Variants in SLC15A1 observed in about 807,000 individuals in gnomAD.
SLC15A1 encodes Caco-2 oligopeptide transporter.
A neutral mutation model predicts 92.9 loss-of-function variants in SLC15A1; 83 were observed. That is an observed-to-expected ratio of 0.89 (90% CI 0.75 to 1.07). The LOEUF is 1.07. Among genes scored for constraint, SLC15A1 ranks in the 50% least tolerant of loss-of-function variants. SLC15A1 has a pLI of 0.00. For missense variants in SLC15A1, 857 were observed against 880.1 expected (o/e 0.97, Z 0.33); for synonymous variants, 322 against 318.2 (o/e 1.01, Z -0.13).
At chr13:98,686,080 C>G in intron 22 of SLC15A1, 110 bp downstream of exon 22, 1 of 768,756 alleles carries the variant, frequency 1.3e-6, no homozygotes, top group Non-Finnish European at 2.2e-6. Context: ...TTTAATCCAG[C>G]TATTAGCCTA....
intron 22 of SLC15A1, among the ~76,000 whole-genome samples, chr13:98,685,402 C>T (rs943443698): frequency 3.9e-5 from 6 of 152,196 alleles, no homozygotes; most frequent in African/African-American, 1.4e-4. Flanking sequence ...GATGGGATAA[C>T]AGCTCCCTTA....
intron 21 of SLC15A1, 138 bp from the exon 22 acceptor site, chr13:98,686,435 G>C (rs1392854256): frequency 1.5e-6 from 1 of 649,028 alleles, no homozygotes; most frequent in African/African-American, 1.8e-5. Context: ...AATGTAAAAA[G>C]GATCATCACT....
intron 1 of SLC15A1, among the ~76,000 whole-genome samples, chr13:98,736,895 G>A (rs1446580018): frequency 3.3e-5 from 5 of 152,022 alleles, no homozygotes; most frequent in South Asian, 2.1e-4. Context: ...ACTGTTGGTG[G>A]GAGTGTAAAC....
At chr13:98,694,858 C>T (rs1284551884) in intron 18 of SLC15A1, among the ~76,000 whole-genome samples, 4 of 151,944 alleles carry the variant, frequency 2.6e-5, no homozygotes, top group African/African-American at 9.6e-5. Flanking sequence ...AACCCTGTCT[C>T]TACTAAAATA....
chr13:98,739,236 C>T (rs2139607327), intron 1 of SLC15A1, among the ~76,000 whole-genome samples: 1 of 152,258 alleles, frequency 6.6e-6, no homozygotes, highest in Non-Finnish European at 1.5e-5. Flanking sequence ...TGCCTTGCCT[C>T]AGATGAGACT....
intron 11 of SLC15A1, among the ~76,000 whole-genome samples, chr13:98,710,792 A>G (rs184275817): frequency 3.3e-5 from 4 of 121,424 alleles, no homozygotes; most frequent in Admixed American, 1.1e-4. Flanking sequence ...TGGGCAACAG[A>G]GTGAGACTCT....
At chr13:98,719,177 C>A in intron 8 of SLC15A1, 60 bp downstream of exon 8, 1 of 1,221,714 alleles carries the variant, frequency 8.2e-7, no homozygotes. Flanking sequence ...TAGTCACAAT[C>A]ATTCACGTAG....
intron 1 of SLC15A1, among the ~76,000 whole-genome samples, chr13:98,740,134 TC>T (rs2088431707): frequency 6.6e-6 from 1 of 152,230 alleles, no homozygotes; most frequent in African/African-American, 2.4e-5. Context: ...ATATTGTCTT[TC>T]AAACTGCTTT....
intron 1 of SLC15A1, among the ~76,000 whole-genome samples, chr13:98,747,167 G>C (rs1793926215): frequency 6.6e-6 from 1 of 152,178 alleles, no homozygotes; most frequent in South Asian, 2.1e-4. Flanking sequence ...CTGGTTCTTG[G>C]TGTTGCAACC....
chr13:98,742,795 A>C (rs2088459521), intron 1 of SLC15A1, among the ~76,000 whole-genome samples: 1 of 151,994 alleles, frequency 6.6e-6, no homozygotes, highest in Non-Finnish European at 1.5e-5. Flanking sequence ...GCTATTTTTG[A>C]GATAAGGTCT....
At chr13:98,731,385 C>CA (rs1443902987) in intron 1 of SLC15A1, among the ~76,000 whole-genome samples, 3 of 152,224 alleles carry the variant, frequency 2.0e-5, no homozygotes, top group Non-Finnish European at 4.4e-5. Context: ...TGCAAAGCGT[C>CA]ATTGCTGTAG....
At chr13:98,711,566 C>A (rs531323180) in intron 11 of SLC15A1, among the ~76,000 whole-genome samples, 23 of 152,330 alleles carry the variant, frequency 1.5e-4, no homozygotes, top group African/African-American at 5.5e-4. Context: ...TGGAAGAGTG[C>A]TGGATGAAAT....
chr13:98,717,029 T>C (rs1256030250), intron 8 of SLC15A1, among the ~76,000 whole-genome samples: 3 of 152,220 alleles, frequency 2.0e-5, no homozygotes, highest in South Asian at 4.1e-4. Context: ...TATCATCTTA[T>C]TAAAAAATTT....
Position 98,751,498 on chromosome 13 carries a change from T to C in SLC15A1, c.4+1097A>G, listed in dbSNP as rs1468567138. 3.9e-5 allele frequency among the ~76,000 whole-genome samples: 6 copies of C among 152,324 alleles called. No homozygotes were observed. The East Asian group carries it at 1.2e-3, about 29-fold the overall frequency. ...GCATAGAGTGACAGGTGGGACTTGT[T>C]TGAGGGCGGGACCCAGAACTGCAGC... On this transcript the variant is annotated intron_variant, in intron 1 of 22. Transcript: ENST00000376503.
intron 17 of SLC15A1, 77 bp downstream of exon 17, chr13:98,704,212 C>T (rs1449771780): frequency 7.0e-7 from 1 of 1,434,362 alleles, no homozygotes; most frequent in African/African-American, 1.5e-5. Context: ...GGGAGTAAAA[C>T]AAAGTCACAC....
Position 98,726,832 on chromosome 13 carries a change from A to G in SLC15A1, c.21+11T>C. The G allele has an allele frequency of 6.2e-7, 1 of 1,611,704 alleles. No homozygotes were observed. Among genetic ancestry groups the G allele is most frequent in the Non-Finnish European group, 8.5e-7 (1 of 1,177,784 alleles). On this transcript the variant is annotated intron_variant, in intron 2 of 22. Transcript: ENST00000376503. ...GATGAAGATATGTAGAGAAGGAAAA[A>G]GGGTACTCACGTGTGATTTGGACAT...
intron 21 of SLC15A1, among the ~76,000 whole-genome samples, chr13:98,686,934 C>T (rs1234715674): frequency 4.2e-5 from 6 of 144,548 alleles, no homozygotes; most frequent in South Asian, 2.3e-4. Context: ...TTCTTTTAAA[C>T]TTTTTCTTTT....
intron 1 of SLC15A1, among the ~76,000 whole-genome samples, chr13:98,741,747 C>T (rs1324790969): frequency 2.7e-5 from 4 of 150,638 alleles, no homozygotes; most frequent in Non-Finnish European, 5.9e-5. Context: ...AAAAAAAAGG[C>T]CTCCTTTTCC....
At chr13:98,718,686 G>A (rs932398333) in intron 8 of SLC15A1, among the ~76,000 whole-genome samples, 5 of 152,170 alleles carry the variant, frequency 3.3e-5, no homozygotes, top group Non-Finnish European at 7.3e-5. Flanking sequence ...GCCGGTGCCT[G>A]TAATCTCAAC....
Sources: allele counts gnomAD v4.1 joint callset (sites outside exome capture counted in the v4.1 genomes callset), GRCh38; gene constraint gnomAD v4.1.1; transcripts MANE v1.5; gene names NCBI Gene and HGNC (gene_info 2026-07-23, HGNC 2026-07-21).